Variants in MACROD2 observed in about 807,000 individuals in gnomAD.
MACROD2 encodes ADP-ribose glycohydrolase MACROD2.
In MACROD2, 36 loss-of-function variants were observed where a neutral mutation model predicts 70.4. The ratio of observed to expected loss-of-function variants is 0.51; its 90% CI spans 0.39 to 0.68. The LOEUF (loss-of-function observed/expected upper bound fraction) is 0.68, where lower values mean the gene tolerates loss of function less well. Among genes scored for constraint, MACROD2 ranks in the 30% least tolerant of loss-of-function variants. MACROD2 has a pLI of 0.00. For missense variants in MACROD2, 496 were observed against 538.4 expected, an observed-to-expected ratio of 0.92 and a Z score of 0.78; for synonymous variants, 172 against 178.8, an observed-to-expected ratio of 0.96 and a Z score of 0.30.
chr20:14,553,538 G>A (rs1978813211), intron 4 of MACROD2, among the ~76,000 whole-genome samples: 1 of 150,378 alleles, frequency 6.6e-6, no homozygotes, highest in Non-Finnish European at 1.5e-5. Context: ...ATAATTGTAT[G>A]TACTATACTT....
At chr20:14,505,207 G>A (rs1405845879) in intron 4 of MACROD2, among the ~76,000 whole-genome samples, 5 of 152,140 alleles carry the variant, frequency 3.3e-5, no homozygotes, top group African/African-American at 9.7e-5. Context: ...GGTACAGCTA[G>A]TCTTTCTAAT....
At chr20:15,680,003 T>C (rs923793336) in intron 8 of MACROD2, among the ~76,000 whole-genome samples, 4 of 152,242 alleles carry the variant, frequency 2.6e-5, no homozygotes, top group African/African-American at 4.8e-5. Flanking sequence ...TATGATGTTT[T>C]ATGGTCAGAG....
chr20:15,947,249 T>G (rs954653933), intron 12 of MACROD2, among the ~76,000 whole-genome samples: 9 of 152,100 alleles, frequency 5.9e-5, no homozygotes, highest in African/African-American at 1.2e-4. Context: ...CCTTCACAGG[T>G]GTCGGGCTGG....
intron 8 of MACROD2, among the ~76,000 whole-genome samples, chr20:15,561,970 T>C (rs2048250807): frequency 1.3e-5 from 2 of 152,082 alleles, no homozygotes; most frequent in Admixed American, 1.3e-4. Context: ...AAGATTATGT[T>C]GAATCAGCAT....
intron 8 of MACROD2, among the ~76,000 whole-genome samples, chr20:15,538,273 TA>T (rs2047903741): frequency 6.6e-6 from 1 of 152,054 alleles, no homozygotes; most frequent in African/African-American, 2.4e-5. Flanking sequence ...GCTGAGACAA[TA>T]AAGGACTCTA....
intron 4 of MACROD2, among the ~76,000 whole-genome samples, chr20:14,522,160 AAATAT>A (rs1404675510): frequency 6.6e-6 from 1 of 152,182 alleles, no homozygotes; most frequent in African/African-American, 2.4e-5. Context: ...AAATGGTGTT[AAATAT>A]AATATATTTG....
intron 5 of MACROD2, among the ~76,000 whole-genome samples, chr20:15,075,226 C>T (rs574137287): frequency 2.6e-5 from 4 of 151,838 alleles, no homozygotes; most frequent in East Asian, 1.9e-4. Flanking sequence ...TGAAAAAAGA[C>T]GAGCATATAA....
intron 2 of MACROD2, among the ~76,000 whole-genome samples, chr20:14,072,925 C>A (rs1415456098): frequency 1.4e-5 from 2 of 143,204 alleles, no homozygotes; most frequent in Admixed American, 1.4e-4. Flanking sequence ...CAGAGCGAGA[C>A]TCCGTCTAGA....
chr20:14,747,534 C>T (rs1222050467), intron 5 of MACROD2, among the ~76,000 whole-genome samples: 2 of 152,104 alleles, frequency 1.3e-5, no homozygotes, highest in African/African-American at 2.4e-5. Flanking sequence ...GAGTCAGCTA[C>T]AGATTCAAGT....
chr20:14,192,778 G>A (rs756662594), intron 3 of MACROD2, among the ~76,000 whole-genome samples: 77 of 152,302 alleles, frequency 5.1e-4, no homozygotes, highest in Middle Eastern at 3.4e-3. Context: ...GGGGATTGAG[G>A]TAGATTTGGC....
chr20:15,480,808 A>G (rs2047086964), intron 7 of MACROD2, among the ~76,000 whole-genome samples: 1 of 151,924 alleles, frequency 6.6e-6, no homozygotes, highest in South Asian at 2.1e-4. Flanking sequence ...TTTTGGAATG[A>G]CGTTGTCCCT....
chr20:14,791,655 C>A (rs2072452730), intron 5 of MACROD2, among the ~76,000 whole-genome samples: 1 of 152,004 alleles, frequency 6.6e-6, no homozygotes, highest in Non-Finnish European at 1.5e-5. Flanking sequence ...TCATTATTTC[C>A]ATGATCCCCT....
intron 5 of MACROD2, among the ~76,000 whole-genome samples, chr20:15,166,015 A>T (rs1311750051): frequency 6.6e-6 from 1 of 152,180 alleles, no homozygotes; most frequent in African/African-American, 2.4e-5. Flanking sequence ...ATATTGCATG[A>T]TTCTATTGAT....
intron 3 of MACROD2, among the ~76,000 whole-genome samples, chr20:14,414,927 A>ACG (rs1483216504): frequency 1.1e-4 from 14 of 121,974 alleles, no homozygotes; most frequent in Admixed American, 3.5e-4. Context: ...CACCTGCTTT[A>ACG]TGTTTTTTTT....
chr20:14,786,426 G>A lies in MACROD2; in HGVS notation c.418+101467G>A, dbSNP rs914601484. Reference sequence around the variant, plus strand: ...ATATCCCTATTTCTTCCCTGAGGGAGAGTTTGGCTGGGAAGGACGCAAGTA... The same window carrying A: ...ATATCCCTATTTCTTCCCTGAGGGAAAGTTTGGCTGGGAAGGACGCAAGTA... On this transcript the variant is annotated intron_variant, in intron 5 of 17. Coordinates refer to ENST00000684519, the MANE Select transcript of MACROD2 (RefSeq NM_001351661.2). Among the ~76,000 whole-genome samples, 55 of 152,020 alleles carry A rather than the reference G, an allele frequency of 3.6e-4. 2 individuals are homozygous for A. The highest frequency in any genetic ancestry group is 6.6e-4 in the Non-Finnish European group (45 of 68,004).
chr20:15,855,433 G>C (rs542272336), intron 8 of MACROD2, among the ~76,000 whole-genome samples: 1 of 152,204 alleles, frequency 6.6e-6, no homozygotes, highest in Non-Finnish European at 1.5e-5. Context: ...TAGGAGGTCA[G>C]CTTGTAAAGG....
chr20:15,639,587 A>G (rs1348419327), intron 8 of MACROD2, among the ~76,000 whole-genome samples: 3 of 152,158 alleles, frequency 2.0e-5, no homozygotes, highest in Non-Finnish European at 4.4e-5. Flanking sequence ...TTCAAGGCAG[A>G]TAGTTCCTGT....
intron 1 of MACROD2, among the ~76,000 whole-genome samples, chr20:13,997,667 A>AT (rs1050568778): frequency 5.9e-5 from 9 of 151,964 alleles, no homozygotes; most frequent in African/African-American, 1.2e-4. Flanking sequence ...TATATAACCA[A>AT]TTTTTTTTCC....
chr20:15,029,394 T>G (rs1600972382), intron 5 of MACROD2, among the ~76,000 whole-genome samples: 1 of 152,228 alleles, frequency 6.6e-6, no homozygotes, highest in Non-Finnish European at 1.5e-5. Flanking sequence ...TTTTAAACTT[T>G]ATCATGAATT....
Sources: gnomAD v4.1 joint callset for allele counts (sites outside exome capture counted in the v4.1 genomes callset) on GRCh38, gnomAD v4.1.1 for gene constraint, MANE v1.5 for transcripts, NCBI Gene and HGNC (gene_info 2026-07-23, HGNC 2026-07-21) for gene names.